ZC3H12B: variants seen among roughly 807,000 people sequenced by gnomAD.
ZC3H12B encodes the protein zinc finger CCCH-type containing 12B.
In ZC3H12B, 7 loss-of-function variants were observed where a neutral mutation model predicts 43.9. The observed-to-expected ratio is 0.16, with a 90% CI of 0.09 to 0.30. The LOEUF (loss-of-function observed/expected upper bound fraction) is 0.30, where lower values mean the gene tolerates loss of function less well. Among genes scored for constraint, ZC3H12B ranks in the 10% least tolerant of loss-of-function variants. The pLI is 1.00. For synonymous variants in ZC3H12B, 222 were observed against 241.7 expected, an observed-to-expected ratio of 0.92 and a Z score of 0.76; for missense variants, 475 against 670.2, an observed-to-expected ratio of 0.71 and a Z score of 3.22.
chrX:65,435,619 G>A (rs780330858), intron 3 of ZC3H12B, among the ~76,000 whole-genome samples: 1 of 108,615 alleles, frequency 9.2e-6, no homozygotes, highest in Non-Finnish European at 1.9e-5. Flanking sequence ...ATTAGTCAAC[G>A]TTCTCCAGAG....
At chrX:65,150,183 T>C in the ZC3H12B span, among the ~76,000 whole-genome samples, 1 of 110,815 alleles carries the variant, frequency 9.0e-6, no homozygotes, top group African/African-American at 3.3e-5. Context: ...TTATTATTAC[T>C]TATTTTTTTG....
the ZC3H12B span, among the ~76,000 whole-genome samples, chrX:65,108,092 G>A: frequency 9.0e-6 from 1 of 111,154 alleles, no homozygotes; most frequent in African/African-American, 3.3e-5. Context: ...ATGGTGAATG[G>A]AGCTTGCAGA....
At chrX:65,121,164 T>C in the ZC3H12B span, among the ~76,000 whole-genome samples, 6 of 111,679 alleles carry the variant, frequency 5.4e-5, no homozygotes, top group African/African-American at 1.6e-4. Context: ...GCTGGCCTCA[T>C]AAAATGAGTT....
In ZC3H12B at chrX:65,470,479, G is replaced by T. The variant is rs754047361; in HGVS notation, n.408-18167G>T. ...AGGAAATGTGGGTGTGTATGTGTGT[G>T]TGAGGATGGGTTCTGGACTTAGTTT... On this transcript the variant is annotated intron_variant and non_coding_transcript_variant, in intron 3 of 5. Transcript: ENST00000617377. The T allele has an allele frequency of 3.6e-5, 4 of 111,152 alleles. No homozygotes were observed. The East Asian group carries it at 1.1e-3, about 32-fold the overall frequency. 9.2% of individuals were successfully genotyped at this position (111,152 alleles called of 1,213,427 possible).
chrX:65,261,817 T>C, the ZC3H12B span, among the ~76,000 whole-genome samples: 192 of 110,919 alleles, frequency 1.7e-3, 1 homozygote, highest in Non-Finnish European at 3.2e-3. Context: ...GTAGTAAATA[T>C]CTAGATATGT....
At chrX:65,110,256 T>C in the ZC3H12B span, among the ~76,000 whole-genome samples, 1 of 110,957 alleles carries the variant, frequency 9.0e-6, no homozygotes. Context: ...TTCATCTTCT[T>C]AACAGGGTAT....
chrX:65,334,074 A>C, the ZC3H12B span, among the ~76,000 whole-genome samples: 1 of 112,094 alleles, frequency 8.9e-6, no homozygotes, highest in Non-Finnish European at 1.9e-5. Context: ...TGTACTATTG[A>C]TGTCAAACCT....
the ZC3H12B span, among the ~76,000 whole-genome samples, chrX:65,054,462 G>T: frequency 8.2e-5 from 9 of 110,378 alleles, no homozygotes; most frequent in Non-Finnish European, 1.1e-4. Context: ...TGTTCCATTG[G>T]TCTATATCTC....
At chrX:65,355,573 A>G in the ZC3H12B span, among the ~76,000 whole-genome samples, 1 of 111,822 alleles carries the variant, frequency 8.9e-6, no homozygotes, top group Non-Finnish European at 1.9e-5. Context: ...AATAAAAATG[A>G]CAACAGTCTT....
Position 65,447,960 on chromosome X carries a change from C to T in ZC3H12B, n.408-40686C>T, listed in dbSNP as rs143578471. Among the ~76,000 whole-genome samples the T allele has an allele frequency of 1.6e-3, 173 of 111,490 alleles. 2 individuals are homozygous for T. The highest frequency in any genetic ancestry group is 0.014 in the East Asian group (51 of 3,567). On this transcript the variant is annotated intron_variant and non_coding_transcript_variant, in intron 3 of 5. Coordinates refer to the ZC3H12B transcript ENST00000617377. ...ATTGAAAAGTTAAAAGGGCCGGGCA[C>T]GGTGGCTCACACCTGTAATCCCAGC...
At chrX:65,477,066 T>A (rs1361806939) in intron 3 of ZC3H12B, among the ~76,000 whole-genome samples, 1 of 104,988 alleles carries the variant, frequency 9.5e-6, no homozygotes, top group Admixed American at 1.0e-4. Flanking sequence ...CCTCCAGACC[T>A]CAAATGACCT....
chrX:65,201,813 G>A, the ZC3H12B span, among the ~76,000 whole-genome samples: 1 of 107,464 alleles, frequency 9.3e-6, no homozygotes, highest in African/African-American at 3.4e-5. Context: ...TCCAGTGACA[G>A]GTAATTGAAT....
At chrX:65,138,011 G>T in the ZC3H12B span, among the ~76,000 whole-genome samples, 2 of 111,307 alleles carry the variant, frequency 1.8e-5, no homozygotes, top group Admixed American at 9.5e-5. Context: ...GTATTTTTTA[G>T]TAGAGACAGA....
chrX:65,507,352 T>C (rs1042705404), exon 5 of ZC3H12B: 1 of 112,518 alleles, frequency 8.9e-6, no homozygotes, highest in Non-Finnish European at 1.9e-5. Context: ...GAGGAGTGCA[T>C]AGTCTTCAAC....
At position 65,378,997 on chromosome X, in the gene ZC3H12B, C is replaced by T. The variant is rs368786360; in HGVS notation, n.295+9999C>T. The stretch of plus-strand genomic sequence containing the variant: ...CATTGATTGCTAGCACAGCAGTCTG[C>T]GATCAAACTGCAAGGCAGCAGCGAG... On this transcript the variant is annotated intron_variant and non_coding_transcript_variant, in intron 2 of 5. Transcript: ENST00000617377. Among the ~76,000 whole-genome samples, 117 of 112,237 alleles carry T rather than the reference C, an allele frequency of 1.0e-3. No individual in the cohort carries two copies. The South Asian group carries it at 0.016, about 16-fold the overall frequency.
chrX:65,254,763 C>G, the ZC3H12B span, among the ~76,000 whole-genome samples: 1 of 111,461 alleles, frequency 9.0e-6, no homozygotes. Context: ...GAATGAAGAT[C>G]ACCAAGATTC....
chrX:65,497,248 C>G, exon 2 of ZC3H12B: 2 of 1,209,242 alleles, frequency 1.7e-6, no homozygotes, highest in Non-Finnish European at 2.2e-6. Flanking sequence ...AAGGAGCAAT[C>G]CCGCCCTGAT....
intron 2 of ZC3H12B, among the ~76,000 whole-genome samples, chrX:65,395,548 G>T (rs1022112342): frequency 8.9e-5 from 10 of 112,082 alleles, no homozygotes; most frequent in Non-Finnish European, 1.7e-4. Context: ...TGCATCTCAG[G>T]GATGAAGCCA....
intron 3 of ZC3H12B, among the ~76,000 whole-genome samples, chrX:65,435,644 GGATA>G (rs34975614): frequency 0.25 from 23,821 of 94,201 alleles, 2,538 homozygotes; most frequent in Non-Finnish European, 0.27. Context: ...AGAACCAATA[GGATA>G]GATAGATAGA....
Sources: gnomAD v4.1 joint callset for allele counts (sites outside exome capture counted in the v4.1 genomes callset) on GRCh38, gnomAD v4.1.1 for gene constraint, MANE v1.5 for transcripts, NCBI Gene and HGNC (gene_info 2026-07-23, HGNC 2026-07-21) for gene names.